Variants in RALYL observed in about 807,000 individuals in gnomAD.
The protein encoded by RALYL is RNA-binding Raly-like protein.
A neutral mutation model predicts 35.1 loss-of-function variants in RALYL; 29 were observed. The observed-to-expected ratio is 0.83, with a 90% CI of 0.61 to 1.13. RALYL has a LOEUF of 1.13. Among genes scored for constraint, RALYL ranks in the 50% most tolerant of loss-of-function variants. The pLI is 0.00. For synonymous variants in RALYL, 120 were observed against 127.6 expected, an observed-to-expected ratio of 0.94 and a Z score of 0.40; for missense variants, 359 against 360.4, an observed-to-expected ratio of 1.00 and a Z score of 0.03.
rs149979811 is a variant in RALYL, at chr8:84,920,507, G to A, written c.859-387G>A. Among the ~76,000 whole-genome samples the A allele has an allele frequency of 4.0e-3, 613 of 152,090 alleles. 2 individuals carry two copies. Among genetic ancestry groups the A allele is most frequent in the Admixed American group, 6.1e-3 (93 of 15,272 alleles). The stretch of plus-strand genomic sequence containing the variant: ...TTAGGACAGCACTGTTCAAAGCCTC[G>A]TAGTAGGGGTATCCTATGGTCATTC... On this transcript the variant is annotated intron_variant, in intron 8 of 8. Coordinates refer to ENST00000521268, the MANE Select transcript of RALYL (RefSeq NM_173848.7).
At chr8:84,607,526 C>A (rs553345842) in intron 2 of RALYL, among the ~76,000 whole-genome samples, 1 of 152,212 alleles carries the variant, frequency 6.6e-6, no homozygotes, top group East Asian at 1.9e-4. Flanking sequence ...ACAGTTTTCT[C>A]CAATGTGTCC....
intron 1 of RALYL, among the ~76,000 whole-genome samples, chr8:84,266,859 C>G (rs1445481848): frequency 6.7e-6 from 1 of 150,128 alleles, no homozygotes; most frequent in Non-Finnish European, 1.5e-5. Flanking sequence ...ACTCGGGAGG[C>G]TGAGGCAGGA....
intron 8 of RALYL, among the ~76,000 whole-genome samples, chr8:84,905,169 A>G (rs1846276058): frequency 6.6e-6 from 1 of 152,172 alleles, no homozygotes; most frequent in Non-Finnish European, 1.5e-5. Context: ...GATACCTCAT[A>G]TAAGTGAAAT....
At chr8:84,350,758 G>T (rs969739820) in intron 1 of RALYL, among the ~76,000 whole-genome samples, 9 of 150,200 alleles carry the variant, frequency 6.0e-5, no homozygotes, top group Admixed American at 2.0e-4. Flanking sequence ...GTAATTAGGG[G>T]CAAGTAGTTT....
chr8:84,414,894 T>C (rs2044478325), intron 1 of RALYL, among the ~76,000 whole-genome samples: 1 of 152,188 alleles, frequency 6.6e-6, no homozygotes, highest in Admixed American at 6.5e-5. Context: ...TTCTTACCCC[T>C]GAATGTTTGT....
At chr8:84,482,510 C>T (rs2054153395) in intron 1 of RALYL, among the ~76,000 whole-genome samples, 1 of 152,092 alleles carries the variant, frequency 6.6e-6, no homozygotes, top group Admixed American at 6.6e-5. Flanking sequence ...TCCAATTTCA[C>T]TCAACATTTA....
intron 2 of RALYL, among the ~76,000 whole-genome samples, chr8:84,648,795 A>G (rs1183607146): frequency 6.6e-6 from 1 of 150,790 alleles, no homozygotes; most frequent in African/African-American, 2.4e-5. Flanking sequence ...ATGTATGTGT[A>G]TTATTTATAT....
At chr8:84,531,532 T>C (rs775628408) in intron 2 of RALYL, among the ~76,000 whole-genome samples, 6 of 152,214 alleles carry the variant, frequency 3.9e-5, no homozygotes, top group Non-Finnish European at 8.8e-5. Context: ...GTCTCCATTC[T>C]GCTTGCTTAC....
chr8:84,546,543 G>A (rs1475139490), intron 2 of RALYL, among the ~76,000 whole-genome samples: 1 of 152,176 alleles, frequency 6.6e-6, no homozygotes, highest in African/African-American at 2.4e-5. Flanking sequence ...AGATGACTGT[G>A]AATTAATGAA....
intron 2 of RALYL, among the ~76,000 whole-genome samples, chr8:84,686,711 T>G (rs1047370900): frequency 6.6e-6 from 1 of 152,048 alleles, no homozygotes; most frequent in African/African-American, 2.4e-5. Context: ...AACCATTACA[T>G]CATAATGTTT....
chr8:84,341,849 T>C (rs1848847872), intron 1 of RALYL, among the ~76,000 whole-genome samples: 1 of 151,932 alleles, frequency 6.6e-6, no homozygotes, highest in African/African-American at 2.4e-5. Flanking sequence ...AAGTAATCAA[T>C]ATCTATCATT....
intron 1 of RALYL, among the ~76,000 whole-genome samples, chr8:84,213,576 TCTC>T (rs1294139548): frequency 6.6e-6 from 1 of 152,198 alleles, no homozygotes; most frequent in African/African-American, 2.4e-5. Flanking sequence ...TAGCTTTTCT[TCTC>T]AAAAGGAAAT....
At position 84,821,210 on chromosome 8, in the gene RALYL, T is replaced by C. The variant is rs145760938; in HGVS notation, c.365+16408T>C. 1.5e-3 allele frequency among the ~76,000 whole-genome samples: 221 copies of C among 152,324 alleles called. 1 individual carries two copies. Among genetic ancestry groups the C allele is most frequent in the African/African-American group, 5.2e-3 (215 of 41,586 alleles). On this transcript the variant is annotated intron_variant, in intron 4 of 8. Transcript: ENST00000521268. Reference sequence around the variant, plus strand: ...CATTTATTTCAGACAGTTCAAAGTATTGACTATCCTTTATTTTGTGTTCTT... The same window carrying C: ...CATTTATTTCAGACAGTTCAAAGTACTGACTATCCTTTATTTTGTGTTCTT...
intron 2 of RALYL, among the ~76,000 whole-genome samples, chr8:84,532,323 G>A (rs1255988902): frequency 2.6e-5 from 4 of 151,848 alleles, no homozygotes; most frequent in Admixed American, 6.6e-5. Flanking sequence ...ATCAGGTCCC[G>A]AAGAAGACCC....
intron 1 of RALYL, among the ~76,000 whole-genome samples, chr8:84,381,276 T>A (rs1449191238): frequency 1.3e-5 from 2 of 151,868 alleles, no homozygotes; most frequent in African/African-American, 4.8e-5. Context: ...TATATTTAGA[T>A]CTTTAAGACT....
At chr8:84,459,521 T>A (rs530024777) in intron 1 of RALYL, among the ~76,000 whole-genome samples, 25 of 151,672 alleles carry the variant, frequency 1.6e-4, no homozygotes, top group African/African-American at 6.0e-4. Flanking sequence ...ATGACAGCAA[T>A]GGGGAGTCAT....
At chr8:84,300,744 C>T (rs1467558955) in intron 1 of RALYL, among the ~76,000 whole-genome samples, 1 of 151,868 alleles carries the variant, frequency 6.6e-6, no homozygotes, top group Non-Finnish European at 1.5e-5. Context: ...AATAACAACC[C>T]CTGCTTTTTG....
intron 4 of RALYL, among the ~76,000 whole-genome samples, chr8:84,827,469 C>T (rs189318750): frequency 1.3e-5 from 2 of 151,998 alleles, no homozygotes; most frequent in Admixed American, 1.3e-4. Flanking sequence ...TAGAAGAATG[C>T]CTTTAAATGT....
chr8:84,326,655 A>G (rs578244772), intron 1 of RALYL, among the ~76,000 whole-genome samples: 2 of 152,250 alleles, frequency 1.3e-5, no homozygotes, highest in South Asian at 2.1e-4. Context: ...AGATCAAAAC[A>G]TAAACATTAA....
Sources: allele counts gnomAD v4.1 joint callset (sites outside exome capture counted in the v4.1 genomes callset), GRCh38; gene constraint gnomAD v4.1.1; transcripts MANE v1.5; gene names NCBI Gene and HGNC (gene_info 2026-07-23, HGNC 2026-07-21).